PCDHGB1: variants seen among roughly 807,000 people sequenced by gnomAD.
The protein encoded by PCDHGB1 is protocadherin gamma-B1.
In PCDHGB1, 34 loss-of-function variants were observed where a neutral mutation model predicts 56.6. That is an observed-to-expected ratio of 0.60 (90% CI 0.46 to 0.80). The LOEUF (loss-of-function observed/expected upper bound fraction) is 0.80. PCDHGB1 is among the 30% of genes least tolerant of loss of function. The pLI, the probability that PCDHGB1 is intolerant of heterozygous loss-of-function variation, is 0.00. For missense variants in PCDHGB1, 1,278 were observed against 1,204.6 expected (o/e 1.06, Z -0.90); for synonymous variants, 561 against 505.9 (o/e 1.11, Z -1.46).
chr5:141,487,340 G>A lies in PCDHGB1; in HGVS notation c.2410-7467G>A, dbSNP rs2099643329. 6.2e-7 allele frequency: 1 copy of A among 1,614,182 alleles called. No individual in the cohort carries two copies. Among genetic ancestry groups the A allele is most frequent in the Admixed American group, 1.7e-5 (1 of 60,024 alleles). The stretch of plus-strand genomic sequence containing the variant: ...GTGTCTTCGTGGGGCAGCCTGTGGA[G>A]TCACATGCTTTCCTGCTGGCACCTG... On this transcript the variant is annotated intron_variant, in intron 1 of 3. Coordinates refer to ENST00000523390, the MANE Select transcript of PCDHGB1 (RefSeq NM_018922.3). This position sits in a 1 kb window ranked among gnomAD's most constrained non-coding sequence, Gnocchi z 5.0.
chr5:141,409,490 C>G (rs780688280), intron 1 of PCDHGB1: 12 of 1,613,892 alleles, frequency 7.4e-6, no homozygotes, highest in Non-Finnish European at 1.0e-5. Context: ...CAGGGGCAAG[C>G]CGCCTCTTTC....
rs766092387 is a variant in PCDHGB1 at position 141,491,171 on chromosome 5, T to C, written c.2410-3636T>C. 7.4e-6 allele frequency: 12 copies of C among 1,613,968 alleles called. No individual in the cohort carries two copies. The highest frequency in any genetic ancestry group is 1.3e-5 in the African/African-American group (1 of 74,904). On this transcript the variant is annotated intron_variant, in intron 1 of 3. Coordinates refer to ENST00000523390, the MANE Select transcript of PCDHGB1 (RefSeq NM_018922.3). The surrounding 1 kb of genome is among the most constrained non-coding windows in gnomAD (Gnocchi z 6.9). The stretch of plus-strand genomic sequence containing the variant: ...GAGGATGACTCTGACACCCAGCAGG[T>C]GGTGGTCCTGGTGAGGGACAATGGT...
chr5:141,499,582 T>C (rs952280239), intron 2 of PCDHGB1, among the ~76,000 whole-genome samples: 7 of 152,164 alleles, frequency 4.6e-5, no homozygotes, highest in African/African-American at 7.2e-5. Flanking sequence ...TAATGCCTTA[T>C]CTTGTTTCAC....
At chr5:141,421,619 C>T (rs778666303) in intron 1 of PCDHGB1, 2 of 1,613,694 alleles carry the variant, frequency 1.2e-6, no homozygotes, top group South Asian at 1.1e-5. Flanking sequence ...AATGATAACG[C>T]CCCCAGCTTC....
chr5:141,410,730 C>CT (rs1191642079), intron 1 of PCDHGB1: 2 of 1,347,822 alleles, frequency 1.5e-6, no homozygotes, highest in Admixed American at 2.5e-5. Context: ...AAATCCATAG[C>CT]TTTTTACAAT....
chr5:141,357,958 G>A (rs1332570049), intron 1 of PCDHGB1, among the ~76,000 whole-genome samples: 1 of 152,198 alleles, frequency 6.6e-6, no homozygotes, highest in African/African-American at 2.4e-5. Flanking sequence ...GGGAGTGTGA[G>A]GAGGACGGAT....
In PCDHGB1 at chr5:141,409,398, A is replaced by G. The variant is rs186373896; in HGVS notation, c.2409+56729A>G. On this transcript the variant is annotated intron_variant, in intron 1 of 3. Transcript: ENST00000523390. Reference sequence around the variant, plus strand: ...CCATTCAAGATTTATTCTTCTTCCAATAACTACTACAAACTGGTGACAGAT... The same window carrying G: ...CCATTCAAGATTTATTCTTCTTCCAGTAACTACTACAAACTGGTGACAGAT... 9.6e-5 allele frequency: 155 copies of G among 1,614,050 alleles called. No individual in the cohort carries two copies. In the African/African-American group the frequency reaches 1.5e-3, roughly 16 times the overall value.
At chr5:141,376,187 T>C in intron 1 of PCDHGB1, 3 of 1,614,148 alleles carry the variant, frequency 1.9e-6, no homozygotes, top group Non-Finnish European at 2.5e-6. Flanking sequence ...CGCGGTCTCC[T>C]GCGTCTTCCT....
intron 1 of PCDHGB1, chr5:141,422,258 A>G (rs2096637047): frequency 6.4e-7 from 1 of 1,565,282 alleles, no homozygotes; most frequent in East Asian, 2.2e-5. Flanking sequence ...GTGAATGATA[A>G]CGCTCCAGAA....
intron 1 of PCDHGB1, chr5:141,360,825 CA>C (rs765723429): frequency 1.9e-6 from 3 of 1,613,960 alleles, no homozygotes; most frequent in Non-Finnish European, 2.5e-6. Flanking sequence ...AAATCCGAAT[CA>C]AAGTCACGGA....
chr5:141,361,611 A>T, intron 1 of PCDHGB1: 2 of 1,613,948 alleles, frequency 1.2e-6, no homozygotes, highest in Non-Finnish European at 1.7e-6. Context: ...ACTCCATCGT[A>T]GCGAGCGACC....
chr5:141,412,967 A>G, intron 1 of PCDHGB1: 1 of 520,650 alleles, frequency 1.9e-6, no homozygotes, highest in Non-Finnish European at 3.3e-6. Context: ...CTACTAGGAG[A>G]GAAAACGCAG....
Position 141,511,126 on chromosome 5 carries a change from G to A in PCDHGB1, c.2737G>A (p.Gly913Ser). The A allele has an allele frequency of 1.9e-6, 3 of 1,614,212 alleles. No individual in the cohort carries two copies. The highest frequency in any genetic ancestry group is 2.2e-5 in the South Asian group (2 of 91,086). The change falls in exon 4 of 4, where the codon GGT becomes AGT. Residue 913 changes from glycine to serine, a missense_variant. Coordinates refer to ENST00000523390, the MANE Select transcript of PCDHGB1 (RefSeq NM_018922.3). ...AGKRDGKAPA[G>S]GNGNKKKSGK... ...CAAGCGGGATGGCAAGGCCCCAGCA[G>A]GTGGCAATGGCAACAAGAAGAAGTC...
At chr5:141,415,282 G>A in intron 1 of PCDHGB1, 1 of 1,614,224 alleles carries the variant, frequency 6.2e-7, no homozygotes, top group Non-Finnish European at 8.5e-7. Flanking sequence ...AGCGGTGGCC[G>A]CGGTCTCCTG....
In PCDHGB1 at chr5:141,360,206, T is replaced by C. The variant is rs370543989; in HGVS notation, c.2409+7537T>C. The C allele has an allele frequency of 1.1e-5, 17 of 1,612,996 alleles. No homozygotes were observed. The highest frequency in any genetic ancestry group is 1.4e-5 in the Non-Finnish European group (16 of 1,179,490). On this transcript the variant is annotated intron_variant, in intron 1 of 3. Transcript: ENST00000523390. ...GTACTGTTGCCCTTCCTGTTGTCTT[T>C]GTTCCCCGGGGCTCTCCCAGTCCAG...
chr5:141,374,154 G>C (rs376984494), intron 1 of PCDHGB1: 38 of 1,611,790 alleles, frequency 2.4e-5, no homozygotes, highest in Admixed American at 8.4e-5. Flanking sequence ...GGGACGCTGT[G>C]GGGGGCCGCG....
At chr5:141,427,733 C>T (rs2097062553) in intron 1 of PCDHGB1, 2 of 1,200,562 alleles carry the variant, frequency 1.7e-6, no homozygotes, top group East Asian at 4.7e-5. Context: ...GGCTGAATGG[C>T]CAAGTCTCCT....
Position 141,485,920 on chromosome 5 carries a change from T to C in PCDHGB1, c.2410-8887T>C, listed in dbSNP as rs1374948804. ...CCTTCCAGCAATCCAGCTACAGGAT[T>C]AGTGTGTTGGAGAGCGCACCAGCGG... On this transcript the variant is annotated intron_variant, in intron 1 of 3. Transcript: ENST00000523390. This position sits in a 1 kb window ranked among gnomAD's most constrained non-coding sequence, Gnocchi z 5.7. 1.2e-6 allele frequency: 2 copies of C among 1,614,038 alleles called. No individual in the cohort carries two copies. Among genetic ancestry groups the C allele is most frequent in the Non-Finnish European group, 1.7e-6 (2 of 1,180,010 alleles).
chr5:141,421,562 A>G (rs1326874908), intron 1 of PCDHGB1: 1 of 1,613,992 alleles, frequency 6.2e-7, no homozygotes, highest in South Asian at 1.1e-5. Context: ...CTTCTCGTGG[A>G]AGACACCTTG....
Sources: gnomAD v4.1 joint callset for allele counts (sites outside exome capture counted in the v4.1 genomes callset) on GRCh38, gnomAD v4.1.1 for gene constraint, Gnocchi (gnomAD v3.1) non-coding constraint, MANE v1.5 for transcripts, NCBI Gene and HGNC (gene_info 2026-07-23, HGNC 2026-07-21) for gene names.